Variants in COL16A1 observed in about 807,000 individuals in gnomAD.
The protein encoded by COL16A1 is collagen type XVI alpha 1 chain, also known as collagen alpha-1(XVI) chain.
Under a neutral mutation model 266.3 loss-of-function variants are expected in COL16A1, and 189 were observed. The ratio of observed to expected loss-of-function variants is 0.71; its 90% CI spans 0.63 to 0.80. COL16A1 has a LOEUF of 0.80. Among genes scored for constraint, COL16A1 ranks in the 30% least tolerant of loss-of-function variants. COL16A1 has a pLI of 0.00. For missense variants in COL16A1, 1,928 were observed against 2,122.4 expected (o/e 0.91, Z 1.80); for synonymous variants, 740 against 782.3 (o/e 0.95, Z 0.90).
intron 8 of COL16A1, 138 bp from the exon 9 acceptor site, chr1:31,696,279 G>A (rs1644495328): frequency 3.1e-6 from 2 of 652,320 alleles, no homozygotes; most frequent in Admixed American, 2.9e-5. Context: ...GGGCATCAAG[G>A]GCCTGCTCAG....
chr1:31,697,019 A>C lies in COL16A1; in HGVS notation c.808T>G (p.Ser270Ala). The part of the protein sequence containing the change: ...SNELIEINPQ[S>A]EGKVYTRCFC... ...CAGCGGGTGTAGACCTTGCCTTCAGACTGTGGATTGATCTCAATGAGCTCA... is the reference window on the plus strand; with the variant it reads ...CAGCGGGTGTAGACCTTGCCTTCAGCCTGTGGATTGATCTCAATGAGCTCA... The change falls in exon 8 of 71, where the codon TCT becomes GCT. Residue 270 changes from serine to alanine, a missense_variant. Physicochemically the swap from Ser to Ala is moderately conservative, Grantham distance 99. Around this residue, in one of 2 missense-constraint regions of COL16A1, gnomAD observed 1,552 missense variants for 1,637.2 expected, o/e 0.95. Transcript: ENST00000373672. This position sits in a 1 kb window ranked among gnomAD's most constrained non-coding sequence, Gnocchi z 4.2. 8 of 1,614,012 alleles carry C rather than the reference A, an allele frequency of 5.0e-6. No homozygotes were observed. The highest frequency in any genetic ancestry group is 3.3e-4 in the Middle Eastern group (2 of 6,058).
chr1:31,661,250 T>A (rs1641635061), intron 60 of COL16A1, 131 bp from the exon 61 acceptor site: 1 of 1,479,048 alleles, frequency 6.8e-7, no homozygotes, highest in Non-Finnish European at 9.2e-7. Context: ...GCCCTCCAGC[T>A]GGTAGACAGA....
chr1:31,677,160 A>G (rs1048334282), intron 42 of COL16A1, among the ~76,000 whole-genome samples: 1 of 152,256 alleles, frequency 6.6e-6, no homozygotes, highest in Admixed American at 6.5e-5. Context: ...ATCTCAGCTC[A>G]TCGAAACCTC....
At chr1:31,682,897 A>T in intron 37 of COL16A1, 37 bp downstream of exon 37, 1 of 1,612,208 alleles carries the variant, frequency 6.2e-7, no homozygotes, top group Non-Finnish European at 8.5e-7. Context: ...CCTTGGTTCC[A>T]GCAACACCAC....
rs888558495 is a variant in COL16A1, at chr1:31,674,341, G to C, written c.2859+666C>G. Among the ~76,000 whole-genome samples the C allele has an allele frequency of 1.8e-4, 27 of 152,202 alleles. 1 individual carries two copies. Among genetic ancestry groups the C allele is most frequent in the Admixed American group, 2.0e-4 (3 of 15,276 alleles). On this transcript the variant is annotated intron_variant, in intron 44 of 70. Transcript: ENST00000373672. ...TCCTTCAAAAACCTGAAGGCAACCT[G>C]GGGAATTACTGTGCTCTCGTTTCTA...
At chr1:31,689,627 C>G (rs1040948050) in intron 23 of COL16A1, 114 bp downstream of exon 23, 1 of 816,512 alleles carries the variant, frequency 1.2e-6, no homozygotes, top group South Asian at 1.5e-5. Flanking sequence ...CCCATAATCT[C>G]TCTGTAGCCA....
chr1:31,665,845 C>T, intron 54 of COL16A1, 37 bp downstream of exon 54: 3 of 1,613,976 alleles, frequency 1.9e-6, no homozygotes, highest in Non-Finnish European at 2.5e-6. Context: ...CAGCTCCTTC[C>T]CTGCCTCCCT....
intron 20 of COL16A1, 115 bp from the exon 21 acceptor site, chr1:31,690,688 T>G: frequency 3.4e-6 from 5 of 1,472,538 alleles, no homozygotes; most frequent in Non-Finnish European, 4.5e-6. Flanking sequence ...GCCAAATCTC[T>G]TGTTGCCATT....
At chr1:31,695,721 G>T in intron 10 of COL16A1, 40 bp downstream of exon 10, 1 of 1,606,826 alleles carries the variant, frequency 6.2e-7, no homozygotes, top group Non-Finnish European at 8.5e-7. Flanking sequence ...AAGGGTTCAT[G>T]CTGGCACCTC....
Position 31,691,209 on chromosome 1 carries a change from T to C in COL16A1, c.1416A>G (p.Pro472=). 6.2e-7 allele frequency: 1 copy of C among 1,614,000 alleles called. No individual in the cohort carries two copies. The highest frequency in any genetic ancestry group is 8.5e-7 in the Non-Finnish European group (1 of 1,179,934). Residue 472 remains proline, a synonymous_variant, in exon 20 of 71, where the codon CCA becomes CCG. Coordinates refer to ENST00000373672, the MANE Select transcript of COL16A1 (RefSeq NM_001856.4). ...LPGTPGDPGG[P]PGPKGDKGSS... Reference sequence around the variant, plus strand: ...TCACCTTGTCTCCCTTGGGGCCTGGTGGGCCACCTGGATCCCCCTGAGGGC... The same window carrying C: ...TCACCTTGTCTCCCTTGGGGCCTGGCGGGCCACCTGGATCCCCCTGAGGGC...
At position 31,670,352 on chromosome 1, in the gene COL16A1, G is replaced by A. The variant is rs1246259776; in HGVS notation, c.3195+250C>T. 1 of 432,080 alleles carries A rather than the reference G, an allele frequency of 2.3e-6. No individual in the cohort carries two copies. Among genetic ancestry groups the A allele is most frequent in the Non-Finnish European group, 4.1e-6 (1 of 246,312 alleles). The allele number at this position is 432,080 out of a possible 1,614,324, so 26.8% of individuals were successfully genotyped here. Reference sequence around the variant, plus strand: ...GAAATGGAGAAGGAAGACAGAACGGGGTAAGAGAGAGAAGAGGAGAGAAAG... The same window carrying A: ...GAAATGGAGAAGGAAGACAGAACGGAGTAAGAGAGAGAAGAGGAGAGAAAG... On this transcript the variant is annotated intron_variant, in intron 49 of 70. Coordinates refer to ENST00000373672, the MANE Select transcript of COL16A1 (RefSeq NM_001856.4). The surrounding 1 kb of genome is among the most constrained non-coding windows in gnomAD (Gnocchi z 4.5).
chr1:31,666,251 C>T, intron 52 of COL16A1, 170 bp from the exon 53 acceptor site: 2 of 713,042 alleles, frequency 2.8e-6, no homozygotes, highest in Non-Finnish European at 4.5e-6. Context: ...CTTGCCCGAG[C>T]TACTGAACCA....
chr1:31,666,452 C>T (rs916654836), intron 52 of COL16A1: 4 of 292,312 alleles, frequency 1.4e-5, no homozygotes, highest in Admixed American at 5.0e-5. Flanking sequence ...TGATCTGGCA[C>T]CAGCCACCCC....
In COL16A1 at chr1:31,652,653, A is replaced by G. The variant is rs1640725439; in HGVS notation, c.4813T>C (p.Ter1605ArgextTer8). 1 of 1,571,456 alleles carries G rather than the reference A, an allele frequency of 6.4e-7. No individual in the cohort carries two copies. The highest frequency in any genetic ancestry group is 1.2e-5 in the South Asian group (1 of 84,138). The change falls in exon 71 of 71, where the codon TGA becomes CGA. Residue 1605 changes from the stop codon to arginine, a stop_lost. Transcript: ENST00000373672. This position sits in a 1 kb window ranked among gnomAD's most constrained non-coding sequence, Gnocchi z 4.8. Reference sequence around the variant, plus strand: ...CATCCAAAGGCAGGTGGGGAATTTCAGCCAAAAGGCCCCTTCATGGTTTTC... The same window carrying G: ...CATCCAAAGGCAGGTGGGGAATTTCGGCCAAAAGGCCCCTTCATGGTTTTC... ...PMKTMKGPFG[*>R]
At position 31,663,955 on chromosome 1, in the gene COL16A1, G is replaced by A. The variant is rs913751639; in HGVS notation, c.3555+1217C>T. Among the ~76,000 whole-genome samples the A allele has an allele frequency of 2.0e-4, 30 of 152,264 alleles. No individual in the cohort carries two copies. The highest frequency in any genetic ancestry group is 4.6e-4 in the Admixed American group (7 of 15,298). ...TAGGGTGGTCAAGGGAAGGAATCCCGCTAGAGAGACCCAGCAAAGGGGAAA... is the reference window on the plus strand; with the variant it reads ...TAGGGTGGTCAAGGGAAGGAATCCCACTAGAGAGACCCAGCAAAGGGGAAA... On this transcript the variant is annotated intron_variant, in intron 56 of 70. Coordinates refer to ENST00000373672, the MANE Select transcript of COL16A1 (RefSeq NM_001856.4). The surrounding 1 kb of genome is among the most constrained non-coding windows in gnomAD (Gnocchi z 4.9).
chr1:31,665,549 C>A, intron 55 of COL16A1, 34 bp downstream of exon 55: 1 of 1,614,126 alleles, frequency 6.2e-7, no homozygotes, highest in East Asian at 2.2e-5. Context: ...GAGACCACAT[C>A]AGACAGAGCT....
chr1:31,682,064 G>C (rs529810037), intron 37 of COL16A1, among the ~76,000 whole-genome samples: 1 of 152,320 alleles, frequency 6.6e-6, no homozygotes, highest in East Asian at 1.9e-4. Flanking sequence ...TTACGCATTT[G>C]CCCACCGCCT....
chr1:31,689,929 C>G (rs935197769), intron 22 of COL16A1, 78 bp from the exon 23 acceptor site: 2 of 1,235,494 alleles, frequency 1.6e-6, no homozygotes, highest in Non-Finnish European at 1.2e-6. Flanking sequence ...TTGCGCAGAC[C>G]AGCCCTAGAC....
chr1:31,683,040 T>C, intron 36 of COL16A1, 38 bp from the exon 37 acceptor site: 3 of 1,613,460 alleles, frequency 1.9e-6, no homozygotes, highest in Admixed American at 1.7e-5. Flanking sequence ...AGGGGCAGAA[T>C]TGGAAGCCAG....
Sources: gnomAD v4.1 joint callset for allele counts (sites outside exome capture counted in the v4.1 genomes callset) on GRCh38, gnomAD v4.1.1 for gene constraint, gnomAD v4.1.1 regional missense constraint, Gnocchi (gnomAD v3.1) non-coding constraint, MANE v1.5 for transcripts, NCBI Gene and HGNC (gene_info 2026-07-23, HGNC 2026-07-21) for gene names.